C3: variants seen among roughly 807,000 people sequenced by gnomAD.
C3 encodes the protein complement C3.
C3 carries 97 observed loss-of-function variants against 207.9 expected under a neutral mutation model. The observed-to-expected ratio is 0.47, with a 90% CI of 0.40 to 0.55. The LOEUF (loss-of-function observed/expected upper bound fraction) is 0.55, where lower values mean the gene tolerates loss of function less well. C3 is among the 20% of genes least tolerant of loss of function. C3 has a pLI of 0.00. For synonymous variants in C3, 848 were observed against 857.6 expected (o/e 0.99, Z 0.20); for missense variants, 1,684 against 2,171.7 (o/e 0.78, Z 4.46).
chr19:6,715,973 A>T (rs1045337382), intron 4 of C3, among the ~76,000 whole-genome samples: 2 of 152,066 alleles, frequency 1.3e-5, no homozygotes, highest in African/African-American at 4.8e-5. Context: ...ATTTCTGTGG[A>T]TAGTGTACTC....
Position 6,718,464 on chromosome 19 carries a change from C to T in C3, c.268-52G>A, listed in dbSNP as rs755933545. The stretch of plus-strand genomic sequence containing the variant: ...GGTCTGTTCCAAGGCCCCATGCCCA[C>T]GGTCCAGCTTCCGGATCTTGGGCTG... On this transcript the variant is annotated intron_variant, in intron 2 of 40. Coordinates refer to ENST00000245907, the MANE Select transcript of C3 (RefSeq NM_000064.4). 9 of 1,601,686 alleles carry T rather than the reference C, an allele frequency of 5.6e-6. No individual in the cohort carries two copies. In the African/African-American group the frequency reaches 1.2e-4, roughly 21 times the overall value.
At chr19:6,714,591 GCGGCT>G in intron 4 of C3, 145 bp from the exon 5 acceptor site, 1 of 699,874 alleles carries the variant, frequency 1.4e-6, no homozygotes. Context: ...GGTGGGCGCA[GCGGCT>G]CACGCCTGTC....
At position 6,702,482 on chromosome 19, in the gene C3, T is replaced by C; in HGVS notation, c.2343A>G (p.Pro781=). 1 of 1,612,446 alleles carries C rather than the reference T, an allele frequency of 6.2e-7. No individual in the cohort carries two copies. Among genetic ancestry groups the C allele is most frequent in the African/African-American group, 1.3e-5 (1 of 75,030 alleles). Residue 781 remains proline (P), a synonymous_variant, in exon 18 of 41, where the codon CCA becomes CCG. Transcript: ENST00000245907. The part of the protein sequence containing the change: ...WLWNVEDLKE[P]PKNGISTKLM... ...TACCCCGGCCTTACCCATTTTTCGG[T>C]GGCTCTTTCAAGTCCTCAACGTTCC... is the stretch of plus-strand genomic sequence containing the variant.
intron 4 of C3, chr19:6,717,369 T>A (rs1968052268): frequency 1.8e-5 from 3 of 163,274 alleles, no homozygotes; most frequent in Admixed American, 1.1e-4. Flanking sequence ...CCTGCACTGC[T>A]CCCTGGGGTC....
intron 27 of C3, among the ~76,000 whole-genome samples, chr19:6,689,356 CCTCCCTCT>C (rs1351460503): frequency 8.5e-5 from 4 of 47,172 alleles, no homozygotes; most frequent in African/African-American, 2.5e-4. Context: ...TCCCTCCCTC[CCTCCCTCT>C]CTCTCTCTCT....
chr19:6,689,328 C>CCTAT lies in C3; in HGVS notation c.3489+1300_3489+1301insATAG, dbSNP rs1918098314. Among the ~76,000 whole-genome samples the CCTAT allele has an allele frequency of 3.8e-5, 2 of 53,246 alleles. 1 individual carries two copies. The highest frequency in any genetic ancestry group is 2.0e-4 in the African/African-American group (2 of 10,114). The allele number at this position is 53,246 out of a possible 152,430, so 34.9% of individuals were successfully genotyped here. ...CTCTCTCTCTCTCTCTCTCTACCTA[C>CCTAT]CTCCCTCCCTCCCTCCCTCCCTCCC... On this transcript the variant is annotated intron_variant, in intron 27 of 40. Transcript: ENST00000245907.
chr19:6,697,049 T>TAAAAAAATAA (rs202245108), intron 21 of C3, among the ~76,000 whole-genome samples: 1 of 91,514 alleles, frequency 1.1e-5, no homozygotes, highest in Admixed American at 1.3e-4. Flanking sequence ...CTCAAAAAAA[T>TAAAAAAATAA]AAACAAACAA....
chr19:6,709,534 G>C, intron 14 of C3, 150 bp downstream of exon 14: 2 of 914,214 alleles, frequency 2.2e-6, no homozygotes, highest in Non-Finnish European at 3.6e-6. Flanking sequence ...CCCATCTTCA[G>C]CTTCAACCAT....
chr19:6,706,342 C>G (rs1172292824), intron 17 of C3, among the ~76,000 whole-genome samples: 1 of 152,194 alleles, frequency 6.6e-6, no homozygotes, highest in Non-Finnish European at 1.5e-5. Context: ...GGCAAGGGCC[C>G]TTCTCCCCAT....
intron 2 of C3, 135 bp from the exon 3 acceptor site, chr19:6,718,547 G>T (rs1185304045): frequency 2.0e-6 from 2 of 991,214 alleles, no homozygotes; most frequent in Non-Finnish European, 1.6e-6. Context: ...TTTGGGGAGG[G>T]AGGGGCATGT....
At position 6,710,804 on chromosome 19, in the gene C3, C is replaced by T; in HGVS notation, c.1521G>A (p.Val507=). The T allele has an allele frequency of 6.2e-7, 1 of 1,613,990 alleles. No individual in the cohort carries two copies. Residue 507 remains valine (V), a synonymous_variant, in exon 13 of 41, where the codon GTG becomes GTA. Coordinates refer to ENST00000245907, the MANE Select transcript of C3 (RefSeq NM_000064.4). ...CCACCAGGTCCTGGCCGGGCTCTCG[C>T]ACCTGGCGTCCCGCCTTCAACAGCC... ...KGRLLKAGRQ[V]REPGQDLVVL... is the part of the protein sequence containing the mutation.
intron 19 of C3, among the ~76,000 whole-genome samples, chr19:6,700,740 A>G (rs59067574): frequency 0.034 from 4,735 of 140,080 alleles, 432 homozygotes; most frequent in African/African-American, 0.12. Flanking sequence ...TATGTGGTAT[A>G]TAATATATTG....
chr19:6,697,367 C>T lies in C3; in HGVS notation c.2773G>A (p.Val925Ile), dbSNP rs1282976875. The T allele has an allele frequency of 7.4e-6, 12 of 1,613,886 alleles. No homozygotes were observed. The highest frequency in any genetic ancestry group is 1.0e-5 in the Non-Finnish European group (12 of 1,179,910). ...ACCACGACCTTCAGGGACTTCCTGACACCGTCACTGATGAAATGATGGTAG... is the reference window on the plus strand; with the variant it reads ...ACCACGACCTTCAGGGACTTCCTGATACCGTCACTGATGAAATGATGGTAG... ...AVYHHFISDG[V>I]RKSLKVVPEG... is the part of the protein sequence containing the mutation. Residue 925 changes from valine to isoleucine, a missense_variant, in exon 21 of 41, where the codon GTC (valine) becomes ATC (isoleucine). Physicochemically the swap from Val to Ile is conservative, Grantham distance 29. Transcript: ENST00000245907.
At chr19:6,687,279 A>C (rs898502724) in intron 27 of C3, among the ~76,000 whole-genome samples, 1 of 152,206 alleles carries the variant, frequency 6.6e-6, no homozygotes, top group African/African-American at 2.4e-5. Flanking sequence ...CTGGGGAGAC[A>C]TTCTCCAAAT....
At chr19:6,710,945 CAAG>C (rs760774822) in intron 12 of C3, 39 bp downstream of exon 12, 4 of 1,607,614 alleles carry the variant, frequency 2.5e-6, no homozygotes, top group African/African-American at 1.3e-5. Flanking sequence ...GCGGAAGAAA[CAAG>C]GAGGAGGCGG....
intron 15 of C3, 47 bp downstream of exon 15, chr19:6,707,753 G>GT (rs2145423228): frequency 1.9e-6 from 3 of 1,609,764 alleles, no homozygotes; most frequent in African/African-American, 2.7e-5. Context: ...CATCTGGGAG[G>GT]TGGAGGTGCT....
At chr19:6,702,236 AT>A in intron 18 of C3, 24 bp from the exon 19 acceptor site, 1 of 1,412,832 alleles carries the variant, frequency 7.1e-7, no homozygotes, top group South Asian at 1.1e-5. Flanking sequence ...AGGTTGGGGT[AT>A]TAGGAGATGT....
intron 17 of C3, 187 bp from the exon 18 acceptor site, chr19:6,702,766 G>T (rs1364247477): frequency 1.8e-6 from 1 of 558,074 alleles, no homozygotes; most frequent in Non-Finnish European, 3.3e-6. Context: ...GGGCACGGTG[G>T]CTCACCCCTG....
At position 6,718,322 on chromosome 19, in the gene C3, C is replaced by A. The variant is rs1968087337; in HGVS notation, c.358G>T (p.Val120Leu). The change falls in exon 3 of 41, where the codon GTG (valine) becomes TTG (leucine). Residue 120 changes from valine (V) to leucine (L), a missense_variant. Coordinates refer to ENST00000245907, the MANE Select transcript of C3 (RefSeq NM_000064.4). Reference protein sequence around the residue: ...ATFGTQVVEKVVLVSLQSGYL... With the variant: ...ATFGTQVVEKLVLVSLQSGYL... Reference sequence around the variant, plus strand: ...CCGCTCTGCAGGCTGACCAGCACCACCTTCTCCACCACTTGGGTCCCGAAG... The same window carrying A: ...CCGCTCTGCAGGCTGACCAGCACCAACTTCTCCACCACTTGGGTCCCGAAG... 6.2e-7 allele frequency: 1 copy of A among 1,614,238 alleles called. No homozygotes were observed. Among genetic ancestry groups the A allele is most frequent in the South Asian group, 1.1e-5 (1 of 91,086 alleles).
Sources: allele counts gnomAD v4.1 joint callset (sites outside exome capture counted in the v4.1 genomes callset), GRCh38; gene constraint gnomAD v4.1.1; transcripts MANE v1.5; gene names NCBI Gene and HGNC (gene_info 2026-07-23, HGNC 2026-07-21).